SDK2: variants seen among roughly 807,000 people sequenced by gnomAD.
SDK2 encodes the protein protein sidekick-2.
SDK2 carries 105 observed loss-of-function variants against 253.9 expected under a neutral mutation model. The ratio of observed to expected loss-of-function variants is 0.41; its 90% CI spans 0.35 to 0.49. SDK2 has a LOEUF of 0.49. Among genes scored for constraint, SDK2 ranks in the 20% least tolerant of loss-of-function variants. The pLI is 0.06. For synonymous variants in SDK2, 1,249 were observed against 1,234.9 expected (o/e 1.01, Z -0.24); for missense variants, 2,608 against 3,003.0 (o/e 0.87, Z 3.07).
In SDK2 at chr17:73,414,719, G is replaced by A; in HGVS notation, c.2409C>T (p.Thr803=). The A allele has an allele frequency of 6.2e-7, 1 of 1,613,890 alleles. No homozygotes were observed. Among genetic ancestry groups the A allele is most frequent in the Non-Finnish European group, 8.5e-7 (1 of 1,179,856 alleles). ...VPPGNVHAEA[T]NSTTIRFTWN... The stretch of plus-strand genomic sequence containing the variant: ...AGGTGAAGCGGATGGTCGTGGAATT[G>A]GTGGCTTCCGCGTGCACATTGCCCG... The change falls in exon 18 of 45, where the codon ACC becomes ACT. Residue 803 remains threonine, a synonymous_variant. Coordinates refer to ENST00000392650, the MANE Select transcript of SDK2 (RefSeq NM_001144952.2).
intron 1 of SDK2, among the ~76,000 whole-genome samples, chr17:73,599,250 T>C (rs766274414): frequency 1.3e-4 from 20 of 151,858 alleles, no homozygotes; most frequent in Non-Finnish European, 2.2e-4. Context: ...GGAGAGAAGG[T>C]GCTGGGCACG....
In SDK2 at chr17:73,426,977, C is replaced by T. The variant is rs1017013610; in HGVS notation, c.1584-2885G>A. Among the ~76,000 whole-genome samples the T allele has an allele frequency of 3.9e-5, 6 of 151,904 alleles. No individual in the cohort carries two copies. The South Asian group carries it at 6.2e-4, about 16-fold the overall frequency. ...GCGGGAGCCTGTAGTCCCAGCTACT[C>T]GGGAGGCTGAGGCAGGAGAATGGCG... is the stretch of plus-strand genomic sequence containing the variant. On this transcript the variant is annotated intron_variant, in intron 12 of 44. Transcript: ENST00000392650.
intron 15 of SDK2, 31 bp downstream of exon 15, chr17:73,422,256 C>G: frequency 6.2e-6 from 10 of 1,608,162 alleles, no homozygotes; most frequent in African/African-American, 5.4e-5. Context: ...GGAGTCCTGG[C>G]GACGCCCCTG....
Position 73,463,048 on chromosome 17 carries a change from C to T in SDK2, c.332-6995G>A, listed in dbSNP as rs372917998. Among the ~76,000 whole-genome samples the T allele has an allele frequency of 1.5e-3, 231 of 152,256 alleles. 1 individual carries two copies. Among genetic ancestry groups the T allele is most frequent in the African/African-American group, 5.2e-3 (217 of 41,546 alleles). Reference sequence around the variant, plus strand: ...ACAGTGCAGGAGTGCAGGCTAGAGGCGAGAAGGGAGGGTGGAGACAATGAC... The same window carrying T: ...ACAGTGCAGGAGTGCAGGCTAGAGGTGAGAAGGGAGGGTGGAGACAATGAC... On this transcript the variant is annotated intron_variant, in intron 3 of 44. Coordinates refer to ENST00000392650, the MANE Select transcript of SDK2 (RefSeq NM_001144952.2).
At chr17:73,459,926 GA>G (rs2063552646) in intron 3 of SDK2, among the ~76,000 whole-genome samples, 1 of 152,160 alleles carries the variant, frequency 6.6e-6, no homozygotes, top group Non-Finnish European at 1.5e-5. Flanking sequence ...AGTATTTCAT[GA>G]GATGATATGT....
At chr17:73,441,964 G>A (rs779822197) in intron 5 of SDK2, among the ~76,000 whole-genome samples, 13 of 152,036 alleles carry the variant, frequency 8.6e-5, no homozygotes, top group Non-Finnish European at 1.5e-4. Context: ...AGGGTCCCAA[G>A]GAAAAAGAAA....
At chr17:73,552,587 G>T (rs778396676) in intron 1 of SDK2, among the ~76,000 whole-genome samples, 1 of 152,076 alleles carries the variant, frequency 6.6e-6, no homozygotes, top group Non-Finnish European at 1.5e-5. Flanking sequence ...TTAGCTTCTC[G>T]GCACTCAAGA....
intron 5 of SDK2, among the ~76,000 whole-genome samples, chr17:73,445,360 G>C (rs1411432089): frequency 1.3e-5 from 2 of 152,178 alleles, no homozygotes; most frequent in Non-Finnish European, 2.9e-5. Context: ...TTTCGCATGT[G>C]GTTCACATTC....
chr17:73,562,474 G>C (rs1015266762), intron 1 of SDK2, among the ~76,000 whole-genome samples: 19 of 152,230 alleles, frequency 1.2e-4, no homozygotes, highest in African/African-American at 4.6e-4. Flanking sequence ...CAGAAGTTAG[G>C]CCAGGTGAAA....
intron 27 of SDK2, among the ~76,000 whole-genome samples, chr17:73,393,315 C>T (rs1446782535): frequency 6.6e-6 from 1 of 150,736 alleles, no homozygotes; most frequent in Non-Finnish European, 1.5e-5. Flanking sequence ...GCTTGTTTTG[C>T]AGAGAGACCA....
At chr17:73,510,877 C>T (rs938741483) in intron 1 of SDK2, among the ~76,000 whole-genome samples, 3 of 152,180 alleles carry the variant, frequency 2.0e-5, no homozygotes, top group East Asian at 1.9e-4. Flanking sequence ...GTGAACGCAG[C>T]GTCTTAAAAA....
rs2045946569 is a variant in SDK2 at position 73,609,339 on chromosome 17, G to A, written c.64+34686C>T. Reference sequence around the variant, plus strand: ...CCCAGAACTGAGTCCAGAACGCCCTGACATCAGAGGCTGGACCAGGAGGAG... The same window carrying A: ...CCCAGAACTGAGTCCAGAACGCCCTAACATCAGAGGCTGGACCAGGAGGAG... On this transcript the variant is annotated intron_variant, in intron 1 of 44. Coordinates refer to ENST00000392650, the MANE Select transcript of SDK2 (RefSeq NM_001144952.2). This position sits in a 1 kb window ranked among gnomAD's most constrained non-coding sequence, Gnocchi z 4.4. Among the ~76,000 whole-genome samples, 1 of 152,166 alleles carries A rather than the reference G, an allele frequency of 6.6e-6. No homozygotes were observed. The highest frequency in any genetic ancestry group is 2.1e-4 in the South Asian group (1 of 4,828).
chr17:73,458,189 T>C (rs1333525510), intron 3 of SDK2, among the ~76,000 whole-genome samples: 2 of 152,120 alleles, frequency 1.3e-5, no homozygotes, highest in Non-Finnish European at 2.9e-5. Context: ...TTGCCTAGGC[T>C]GGTCTGGAGC....
chr17:73,521,062 A>C (rs1209782728), intron 1 of SDK2: 4 of 123,600 alleles, frequency 3.2e-5, no homozygotes, highest in African/African-American at 1.2e-4. Context: ...TTTTTTTGAG[A>C]CCGGGTCTCG....
chr17:73,568,546 A>C (rs1688894816), intron 1 of SDK2, among the ~76,000 whole-genome samples: 1 of 152,248 alleles, frequency 6.6e-6, no homozygotes, highest in Admixed American at 6.5e-5. Context: ...ATGTGAAAAT[A>C]GATCAATAAA....
chr17:73,364,695 T>G (rs1733643932), intron 38 of SDK2, among the ~76,000 whole-genome samples: 1 of 152,110 alleles, frequency 6.6e-6, no homozygotes, highest in Non-Finnish European at 1.5e-5. Context: ...GATCCCGGCT[T>G]ACTGCAACCT....
chr17:73,464,899 C>T (rs1255094239), intron 3 of SDK2, among the ~76,000 whole-genome samples: 2 of 152,152 alleles, frequency 1.3e-5, no homozygotes, highest in African/African-American at 4.8e-5. Flanking sequence ...CACCTTTTAA[C>T]TTTTGTTTCT....
chr17:73,393,527 G>A (rs1476165071), intron 27 of SDK2, 33 bp downstream of exon 27: 4 of 1,492,108 alleles, frequency 2.7e-6, no homozygotes, highest in Middle Eastern at 1.8e-4. Flanking sequence ...GCTCCTCCCA[G>A]CCTTCCCCAA....
chr17:73,548,761 G>C (rs1451746836), intron 1 of SDK2, among the ~76,000 whole-genome samples: 1 of 152,222 alleles, frequency 6.6e-6, no homozygotes, highest in East Asian at 1.9e-4. Context: ...AGGAAATCAG[G>C]CTTCTCTCTC....
Sources: allele counts gnomAD v4.1 joint callset (sites outside exome capture counted in the v4.1 genomes callset), GRCh38; gene constraint gnomAD v4.1.1; non-coding constraint Gnocchi (gnomAD v3.1); transcripts MANE v1.5; gene names NCBI Gene and HGNC (gene_info 2026-07-23, HGNC 2026-07-21).